The following CSNK2A2 variants were observed in gnomAD, a reference collection of about 807,000 sequenced individuals.
CSNK2A2 encodes the protein casein kinase II subunit alpha'.
In CSNK2A2, 8 loss-of-function variants were observed where a neutral mutation model predicts 54.0. The ratio of observed to expected loss-of-function variants is 0.15; its 90% CI spans 0.09 to 0.27. The LOEUF (loss-of-function observed/expected upper bound fraction) is 0.27. Among genes scored for constraint, CSNK2A2 ranks in the 10% least tolerant of loss-of-function variants. The pLI, the probability that CSNK2A2 is intolerant of heterozygous loss-of-function variation, is 1.00. For missense variants in CSNK2A2, 242 were observed against 439.4 expected, an observed-to-expected ratio of 0.55 and a Z score of 4.02; for synonymous variants, 141 against 153.9, an observed-to-expected ratio of 0.92 and a Z score of 0.62.
rs1047875751 is a variant in CSNK2A2, at chr16:58,167,394, G to A, written c.625-86C>T. 111 of 959,952 alleles carry A rather than the reference G, an allele frequency of 1.2e-4. No homozygotes were observed. In the Admixed American group the frequency reaches 2.2e-3, roughly 19 times the overall value. 59.5% of individuals were successfully genotyped at this position (959,952 alleles called of 1,614,324 possible). Reference sequence around the variant, plus strand: ...ATTTCTTTTTTAGACGAGATTGGGCGTGTTCAGGGTGGTATGGCCATAGAT... The same window carrying A: ...ATTTCTTTTTTAGACGAGATTGGGCATGTTCAGGGTGGTATGGCCATAGAT... On this transcript the variant is annotated intron_variant, in intron 7 of 11. Transcript: ENST00000262506.
At chr16:58,178,580 C>A (rs1039195404) in intron 4 of CSNK2A2, among the ~76,000 whole-genome samples, 5 of 152,198 alleles carry the variant, frequency 3.3e-5, no homozygotes, top group Non-Finnish European at 7.3e-5. Flanking sequence ...CCGCACCCGG[C>A]CTGAGACACT....
chr16:58,177,668 A>G (rs1188018786), intron 4 of CSNK2A2, among the ~76,000 whole-genome samples: 1 of 152,210 alleles, frequency 6.6e-6, no homozygotes, highest in African/African-American at 2.4e-5. Flanking sequence ...CACCTGCCAG[A>G]TGTGGGAATC....
chr16:58,180,090 A>AAG (rs1258266626), intron 4 of CSNK2A2, among the ~76,000 whole-genome samples: 8 of 151,566 alleles, frequency 5.3e-5, no homozygotes, highest in African/African-American at 1.9e-4. Context: ...AAAAAAAAAA[A>AAG]AAAAAGAAAA....
intron 5 of CSNK2A2, among the ~76,000 whole-genome samples, chr16:58,173,072 G>T (rs1012555190): frequency 2.0e-5 from 3 of 152,106 alleles, no homozygotes; most frequent in African/African-American, 7.2e-5. Context: ...AGAGTGCATG[G>T]GATTACTCAG....
intron 4 of CSNK2A2, among the ~76,000 whole-genome samples, chr16:58,178,378 G>A (rs1413973525): frequency 2.0e-5 from 3 of 151,238 alleles, no homozygotes; most frequent in Admixed American, 6.6e-5. Flanking sequence ...CTGCCCCCTC[G>A]GGTTCACGTG....
intron 3 of CSNK2A2, 116 bp from the exon 4 acceptor site, chr16:58,184,426 C>T: frequency 1.6e-6 from 1 of 637,244 alleles, no homozygotes; most frequent in Non-Finnish European, 2.7e-6. Context: ...ATTCACTCAT[C>T]AGGGACAGCC....
chr16:58,184,119 T>A (rs1330898288), intron 4 of CSNK2A2, 141 bp downstream of exon 4: 1 of 632,012 alleles, frequency 1.6e-6, no homozygotes, highest in Non-Finnish European at 2.8e-6. Context: ...CATCCTGCAC[T>A]CATGCCTTAA....
intron 2 of CSNK2A2, among the ~76,000 whole-genome samples, chr16:58,188,627 G>C (rs74019835): frequency 0.071 from 10,742 of 152,274 alleles, 482 homozygotes; most frequent in South Asian, 0.21. Flanking sequence ...TGTAGATTAG[G>C]TAACAGCAAT....
chr16:58,163,399 GGCATT>G (rs1961454753), intron 11 of CSNK2A2: 1 of 152,076 alleles, frequency 6.6e-6, no homozygotes, highest in Admixed American at 6.6e-5. Context: ...ACCAGTTCAT[GGCATT>G]GCAAGGTTTC....
At chr16:58,187,855 C>A (rs1262701721) in intron 2 of CSNK2A2, among the ~76,000 whole-genome samples, 3 of 152,256 alleles carry the variant, frequency 2.0e-5, no homozygotes, top group Non-Finnish European at 4.4e-5. Context: ...GCTGGGCAGT[C>A]TGACTGCATG....
intron 5 of CSNK2A2, among the ~76,000 whole-genome samples, chr16:58,170,237 C>T (rs1961697595): frequency 6.6e-6 from 1 of 151,820 alleles, no homozygotes; most frequent in South Asian, 2.1e-4. Context: ...GTAGTCAATC[C>T]CCTTTCCTAA....
chr16:58,188,260 C>T (rs1439314588), intron 2 of CSNK2A2, among the ~76,000 whole-genome samples: 1 of 152,238 alleles, frequency 6.6e-6, no homozygotes, highest in East Asian at 1.9e-4. Flanking sequence ...CACCCGCTCT[C>T]CGCCCGCTGT....
intron 5 of CSNK2A2, among the ~76,000 whole-genome samples, chr16:58,173,310 G>T (rs1469083370): frequency 6.6e-6 from 1 of 152,172 alleles, no homozygotes; most frequent in African/African-American, 2.4e-5. Context: ...ATAAAAAGTG[G>T]TGCGTACAAG....
intron 5 of CSNK2A2, among the ~76,000 whole-genome samples, chr16:58,173,733 G>A (rs1478218585): frequency 6.6e-6 from 1 of 152,214 alleles, no homozygotes; most frequent in African/African-American, 2.4e-5. Context: ...TGCCACCCCT[G>A]TAGGCATGTC....
At chr16:58,171,294 C>T (rs551028479) in intron 5 of CSNK2A2, among the ~76,000 whole-genome samples, 35 of 152,166 alleles carry the variant, frequency 2.3e-4, no homozygotes, top group Admixed American at 8.5e-4. Flanking sequence ...GGGGCCAAGG[C>T]GGGCAGATCA....
intron 2 of CSNK2A2, chr16:58,192,767 G>C (rs957857534): frequency 5.3e-5 from 8 of 152,346 alleles, no homozygotes; most frequent in African/African-American, 1.9e-4. Context: ...TCCTAATTAT[G>C]CTCCTCGCAT....
intron 4 of CSNK2A2, among the ~76,000 whole-genome samples, chr16:58,183,209 A>T (rs1441638771): frequency 7.2e-6 from 1 of 138,408 alleles, no homozygotes; most frequent in Non-Finnish European, 1.5e-5. Context: ...AAAAAAATTT[A>T]AAAATTAAAA....
chr16:58,176,361 G>GT (rs1170604691), intron 4 of CSNK2A2, among the ~76,000 whole-genome samples: 6 of 152,178 alleles, frequency 3.9e-5, no homozygotes, highest in African/African-American at 1.4e-4. Flanking sequence ...TGCCAACACA[G>GT]TATTTCTAGC....
intron 4 of CSNK2A2, among the ~76,000 whole-genome samples, chr16:58,179,822 G>C (rs1212308570): frequency 6.6e-6 from 1 of 152,164 alleles, no homozygotes; most frequent in Non-Finnish European, 1.5e-5. Flanking sequence ...GCCCACACCT[G>C]TAATCCCAGC....
Sources: gnomAD v4.1 joint callset for allele counts (sites outside exome capture counted in the v4.1 genomes callset) on GRCh38, gnomAD v4.1.1 for gene constraint, MANE v1.5 for transcripts, NCBI Gene and HGNC (gene_info 2026-07-23, HGNC 2026-07-21) for gene names.